The following PCDH10 variants were observed in gnomAD, a reference collection of about 807,000 sequenced individuals.
PCDH10 encodes the protein protocadherin 10.
A neutral mutation model predicts 74.4 loss-of-function variants in PCDH10; 15 were observed. That is an observed-to-expected ratio of 0.20 (90% CI 0.13 to 0.31). PCDH10 has a LOEUF of 0.31. Ranked by LOEUF, PCDH10 falls within the 10% of genes least tolerant of loss-of-function variation. The probability of loss-of-function intolerance (pLI) is 1.00; values close to 1 mark genes in which losing one functional copy is unlikely to be tolerated. For synonymous variants in PCDH10, 619 were observed against 589.8 expected, an observed-to-expected ratio of 1.05 and a Z score of -0.72; for missense variants, 1,260 against 1,390.2, an observed-to-expected ratio of 0.91 and a Z score of 1.49.
In PCDH10 at chr4:133,151,169, G is replaced by A. The variant is rs769359948; in HGVS notation, c.1029G>A (p.Lys343=). 3.1e-6 allele frequency: 5 copies of A among 1,614,142 alleles called. No individual in the cohort carries two copies. The East Asian group carries it at 1.1e-4, about 36-fold the overall frequency. ...LGPNAVPAHC[K]VLVRVLDAND... is the part of the protein sequence containing the mutation. Reference sequence around the variant, plus strand: ...CCAACGCCGTGCCTGCGCACTGCAAGGTGCTAGTGCGAGTACTGGATGCTA... The same window carrying A: ...CCAACGCCGTGCCTGCGCACTGCAAAGTGCTAGTGCGAGTACTGGATGCTA... The change falls in exon 1 of 5, where the codon AAG becomes AAA. Residue 343 remains lysine (K), a synonymous_variant. Coordinates refer to ENST00000264360, the MANE Select transcript of PCDH10 (RefSeq NM_032961.3).
downstream of PCDH10, among the ~76,000 whole-genome samples, chr4:133,199,062 G>T (rs1301804943): frequency 6.6e-6 from 1 of 151,872 alleles, no homozygotes; most frequent in Non-Finnish European, 1.5e-5. Flanking sequence ...TGGACGGATC[G>T]CTTGAGCTCA....
At chr4:133,177,290 A>T (rs1237899569) in intron 4 of PCDH10, among the ~76,000 whole-genome samples, 6 of 152,126 alleles carry the variant, frequency 3.9e-5, no homozygotes, top group Non-Finnish European at 8.8e-5. Context: ...AAATCTTATT[A>T]TCTAATAAAC....
chr4:133,174,490 A>C (rs1727254589), intron 4 of PCDH10, among the ~76,000 whole-genome samples: 1 of 151,890 alleles, frequency 6.6e-6, no homozygotes, highest in South Asian at 2.1e-4. Context: ...TTTTATAGGC[A>C]TGAGTAAATG....
intron 4 of PCDH10, among the ~76,000 whole-genome samples, chr4:133,171,088 A>G (rs1194995975): frequency 6.6e-6 from 1 of 151,866 alleles, no homozygotes; most frequent in Non-Finnish European, 1.5e-5. Flanking sequence ...GTGTTTATGT[A>G]TTATGAGAAA....
At chr4:133,196,605 T>C (rs945586064), downstream of PCDH10, among the ~76,000 whole-genome samples, 1 of 152,342 alleles carries the variant, frequency 6.6e-6, no homozygotes, top group South Asian at 2.1e-4. Flanking sequence ...CTGTGGCTAA[T>C]TTGTTAGTCC....
chr4:133,159,667 T>A (rs1200531655), intron 3 of PCDH10, among the ~76,000 whole-genome samples: 2 of 151,930 alleles, frequency 1.3e-5, no homozygotes, highest in African/African-American at 4.8e-5. Flanking sequence ...ATCCCTAAAG[T>A]CTATTTAATT....
intron 2 of PCDH10, among the ~76,000 whole-genome samples, chr4:133,154,600 A>G (rs1480407876): frequency 2.6e-5 from 4 of 152,332 alleles, no homozygotes; most frequent in African/African-American, 7.2e-5. Flanking sequence ...TTACACTCCT[A>G]CACAGCTTCC....
intron 4 of PCDH10, among the ~76,000 whole-genome samples, chr4:133,178,534 AC>A (rs1365738418): frequency 7.1e-6 from 1 of 141,202 alleles, no homozygotes; most frequent in Admixed American, 6.9e-5. Context: ...CCCGGCCTGG[AC>A]TTTTTTTTTT....
At chr4:133,196,906 C>A (rs76416822), downstream of PCDH10, among the ~76,000 whole-genome samples, 623 of 152,254 alleles carry the variant, frequency 4.1e-3, 5 homozygotes, top group African/African-American at 0.014. Flanking sequence ...ATCTTGGTTA[C>A]CAAAAGTATA....
At chr4:133,195,519 A>C (rs1030799443), downstream of PCDH10, among the ~76,000 whole-genome samples, 2 of 152,108 alleles carry the variant, frequency 1.3e-5, no homozygotes, top group African/African-American at 4.8e-5. Context: ...AGACTCTTTA[A>C]GATTATGAAT....
intron 4 of PCDH10, among the ~76,000 whole-genome samples, chr4:133,182,926 A>T (rs1274318969): frequency 1.3e-5 from 2 of 152,062 alleles, no homozygotes; most frequent in African/African-American, 4.8e-5. Context: ...ATGCTAGTAC[A>T]TTGTCTTGGC....
chr4:133,159,195 A>G (rs1726918450), intron 3 of PCDH10, among the ~76,000 whole-genome samples: 1 of 152,230 alleles, frequency 6.6e-6, no homozygotes, highest in African/African-American at 2.4e-5. Context: ...GCAATATTGT[A>G]TTATGACAGT....
At position 133,194,398 on chromosome 4, in the gene PCDH10, A is replaced by G. The variant is rs1490307471; in HGVS notation, c.*4238A>G. Reference sequence around the variant, plus strand: ...TACATTCATACATGCTAGAGCTGAAAGTAAGCAGGGAATTTCAGCTCTAAA... The same window carrying G: ...TACATTCATACATGCTAGAGCTGAAGGTAAGCAGGGAATTTCAGCTCTAAA... On this transcript the variant is annotated 3_prime_UTR_variant, in exon 5 of 5. Transcript: ENST00000264360. The G allele has an allele frequency of 1.3e-5, 2 of 151,896 alleles. No individual in the cohort carries two copies. The highest frequency in any genetic ancestry group is 4.8e-5 in the African/African-American group (2 of 41,438). 9.4% of individuals were successfully genotyped at this position (151,896 alleles called of 1,614,324 possible).
At chr4:133,202,568 G>A (rs1727925252) in intron 2 of PCDH10, among the ~76,000 whole-genome samples, 1 of 152,024 alleles carries the variant, frequency 6.6e-6, no homozygotes, top group African/African-American at 2.4e-5. Context: ...TTTTTATATT[G>A]TGTCTCTGTG....
intron 4 of PCDH10, among the ~76,000 whole-genome samples, chr4:133,182,310 A>T (rs1560713509): frequency 6.6e-6 from 1 of 152,192 alleles, no homozygotes; most frequent in East Asian, 1.9e-4. Context: ...GAAGGAAAAC[A>T]CTTGAAAAGT....
At chr4:133,168,008 T>G (rs1727121580) in intron 4 of PCDH10, among the ~76,000 whole-genome samples, 1 of 151,398 alleles carries the variant, frequency 6.6e-6, no homozygotes, top group African/African-American at 2.4e-5. Context: ...ATTACTTATT[T>G]TATTGTATTT....
rs772071725 is a variant in PCDH10 at position 133,166,958 on chromosome 4, T to G, written c.3103+3676T>G. 2.0e-5 allele frequency among the ~76,000 whole-genome samples: 3 copies of G among 151,460 alleles called. 1 individual carries two copies. Among genetic ancestry groups the G allele is most frequent in the Non-Finnish European group, 4.4e-5 (3 of 67,466 alleles). On this transcript the variant is annotated intron_variant, in intron 4 of 4. Coordinates refer to ENST00000264360, the MANE Select transcript of PCDH10 (RefSeq NM_032961.3). ...GACTGAATTTCTAAATCAATGGAGCTTTCTAGAGTCTAAAGGGAACCATTT... is the reference window on the plus strand; with the variant it reads ...GACTGAATTTCTAAATCAATGGAGCGTTCTAGAGTCTAAAGGGAACCATTT...
rs754350393 is a variant in PCDH10 at position 133,150,050 on chromosome 4, A to AT, written c.-85dup. ...CCCCACGTAGCGCACTTTTATTTGT[A>AT]TTTTTTCAGATTTTTTTTTGTTTCG... On this transcript the variant is annotated 5_prime_UTR_variant, in exon 1 of 5. Transcript: ENST00000264360. 8.1e-4 allele frequency: 1,177 copies of AT among 1,446,342 alleles called. 1 individual carries two copies. Among genetic ancestry groups the AT allele is most frequent in the Non-Finnish European group, 1.0e-3 (1,129 of 1,099,160 alleles). The allele number at this position is 1,446,342 out of a possible 1,614,324, so 89.6% of individuals were successfully genotyped here. A position where few individuals can be genotyped will look rare whatever the true frequency, so the allele number is the denominator to read the frequency against.
intron 4 of PCDH10, among the ~76,000 whole-genome samples, chr4:133,174,778 A>G (rs968265683): frequency 1.3e-5 from 2 of 151,690 alleles, no homozygotes; most frequent in African/African-American, 2.4e-5. Context: ...CTTTTAAGTT[A>G]TATTATGGAG....
Sources: gnomAD v4.1 joint callset for allele counts (sites outside exome capture counted in the v4.1 genomes callset) on GRCh38, gnomAD v4.1.1 for gene constraint, MANE v1.5 for transcripts, NCBI Gene and HGNC (gene_info 2026-07-23, HGNC 2026-07-21) for gene names.